The following ERFL variants were observed in gnomAD, a reference collection of about 807,000 sequenced individuals.
ERFL encodes the protein ETS domain-containing transcription factor ERF-like.
A neutral mutation model predicts 27.9 loss-of-function variants in ERFL; 8 were observed. That is an observed-to-expected ratio of 0.29 (90% CI 0.17 to 0.52). ERFL has a LOEUF of 0.52. Ranked by LOEUF, ERFL falls within the 20% of genes least tolerant of loss-of-function variation. The probability of loss-of-function intolerance (pLI) is 0.97; values close to 1 mark genes in which losing one functional copy is unlikely to be tolerated. For synonymous variants in ERFL, 174 were observed against 202.8 expected (o/e 0.86, Z 1.21); for missense variants, 294 against 444.4 (o/e 0.66, Z 3.04).
chr19:41,911,743 G>A (rs1364506659), intron 2 of ERFL, among the ~76,000 whole-genome samples: 1 of 152,222 alleles, frequency 6.6e-6, no homozygotes, highest in Admixed American at 6.5e-5. Context: ...CACACCCACA[G>A]GACCCCAAGG....
rs1002849705 is a variant in ERFL, at chr19:41,918,615, C to T, written c.-13-5683G>A. 4.7e-4 allele frequency among the ~76,000 whole-genome samples: 69 copies of T among 148,380 alleles called. 1 individual carries two copies. Among genetic ancestry groups the T allele is most frequent in the African/African-American group, 1.7e-3 (65 of 39,330 alleles). On this transcript the variant is annotated intron_variant, in intron 1 of 5. Coordinates refer to ENST00000597630, the MANE Select transcript of ERFL (RefSeq NM_001365103.2). ...CACTACCCATCACAGACAAACCACACACACCACATCACTAACCCTCACATA... is the reference window on the plus strand; with the variant it reads ...CACTACCCATCACAGACAAACCACATACACCACATCACTAACCCTCACATA...
At chr19:41,913,549 T>C (rs1238642717) in intron 1 of ERFL, among the ~76,000 whole-genome samples, 13 of 150,176 alleles carry the variant, frequency 8.7e-5, no homozygotes, top group Non-Finnish European at 1.9e-4. Context: ...TCCAGTCCTC[T>C]ACCCCACAGG....
rs1199650661 is a variant in ERFL at position 41,916,464 on chromosome 19, C to G, written c.-13-3532G>C. 6.6e-6 allele frequency among the ~76,000 whole-genome samples: 1 copy of G among 152,098 alleles called. No homozygotes were observed. The highest frequency in any genetic ancestry group is 2.4e-5 in the African/African-American group (1 of 41,394). ...AGTCACAGATGCACAGAAACAGACA[C>G]ACAGTTTTACACAAATACACACATG... On this transcript the variant is annotated intron_variant, in intron 1 of 5. Coordinates refer to ENST00000597630, the MANE Select transcript of ERFL (RefSeq NM_001365103.2). This position sits in a 1 kb window ranked among gnomAD's most constrained non-coding sequence, Gnocchi z 5.4.
At chr19:41,918,854 G>GACACACC (rs2074820297) in intron 1 of ERFL, among the ~76,000 whole-genome samples, 1 of 133,454 alleles carries the variant, frequency 7.5e-6, no homozygotes, top group Admixed American at 7.6e-5. Flanking sequence ...CTACCCATCA[G>GACACACC]ACACACCACA....
At position 41,916,087 on chromosome 19, in the gene ERFL, G is replaced by A. The variant is rs551336600; in HGVS notation, c.-13-3155C>T. 7.2e-5 allele frequency among the ~76,000 whole-genome samples: 11 copies of A among 151,810 alleles called. No individual in the cohort carries two copies. The highest frequency in any genetic ancestry group is 5.8e-4 in the East Asian group (3 of 5,168). On this transcript the variant is annotated intron_variant, in intron 1 of 5. Transcript: ENST00000597630. This position sits in a 1 kb window ranked among gnomAD's most constrained non-coding sequence, Gnocchi z 5.4. ...ATGTGTGTGCGCATGTGAGCGAAGC[G>A]GTGTGCAGAGGCGCTGGGCAGGCGA...
Position 41,926,351 on chromosome 19 carries a change from G to A in ERFL, c.-14+1689C>T, listed in dbSNP as rs116891613. Among the ~76,000 whole-genome samples the A allele has an allele frequency of 7.1e-4, 108 of 152,210 alleles. 1 individual carries two copies. In the East Asian group the frequency reaches 0.017, roughly 24 times the overall value. ...AACAGGTATGGAGGACAGGTGTTGC[G>A]TGCAGGCAGGTATGAGGAGATAGAT... On this transcript the variant is annotated intron_variant, in intron 1 of 5. Coordinates refer to ENST00000597630, the MANE Select transcript of ERFL (RefSeq NM_001365103.2).
rs1555851086 is a variant in ERFL at position 41,909,511 on chromosome 19, G to A, written c.303-40C>T. ...GTGGTGTTGGGGAGGTGCAGGGGGAGCCCTGGGGCGGGATCTGGGGTTTCT... is the reference window on the plus strand; with the variant it reads ...GTGGTGTTGGGGAGGTGCAGGGGGAACCCTGGGGCGGGATCTGGGGTTTCT... On this transcript the variant is annotated intron_variant, in intron 3 of 5. Coordinates refer to ENST00000597630, the MANE Select transcript of ERFL (RefSeq NM_001365103.2). The surrounding 1 kb of genome is among the most constrained non-coding windows in gnomAD (Gnocchi z 5.2). 1 of 1,248,596 alleles carries A rather than the reference G, an allele frequency of 8.0e-7. No homozygotes were observed. Among genetic ancestry groups the A allele is most frequent in the Non-Finnish European group, 1.0e-6 (1 of 994,442 alleles). 77.3% of individuals were successfully genotyped at this position (1,248,596 alleles called of 1,614,324 possible). A position where few individuals can be genotyped will look rare whatever the true frequency, so the allele number is the denominator to read the frequency against.
In ERFL at chr19:41,914,756, C is replaced by T. The variant is rs1477320749; in HGVS notation, c.-13-1824G>A. Among the ~76,000 whole-genome samples the T allele has an allele frequency of 2.0e-3, 56 of 28,386 alleles. 7 individuals carry two copies. Among genetic ancestry groups the T allele is most frequent in the Middle Eastern group, 0.01 (1 of 98 alleles). The allele number at this position is 28,386 out of a possible 152,430, so 18.6% of individuals were successfully genotyped here. On this transcript the variant is annotated intron_variant, in intron 1 of 5. Transcript: ENST00000597630. Reference sequence around the variant, plus strand: ...TCCACCATCTCTGTCTCTCCCTCCCCTTCCACCGTCTCTGTCTCTCCCTCC... The same window carrying T: ...TCCACCATCTCTGTCTCTCCCTCCCTTTCCACCGTCTCTGTCTCTCCCTCC...
chr19:41,908,453 C>G lies in ERFL; in HGVS notation c.840G>C (p.Ser280=), dbSNP rs899082762. 4 of 1,231,216 alleles carry G rather than the reference C, an allele frequency of 3.2e-6. No individual in the cohort carries two copies. The highest frequency in any genetic ancestry group is 3.1e-5 in the African/African-American group (2 of 64,382). 76.3% of individuals were successfully genotyped at this position (1,231,216 alleles called of 1,614,324 possible). A position where few individuals can be genotyped will look rare whatever the true frequency, so the allele number is the denominator to read the frequency against. ...GGPTATPLLA[S]TGEGLGPERP... is the part of the protein sequence containing the mutation. ...GCTCGGGGCCCAGGCCCTCCCCTGT[C>G]GAGGCCAGCAGGGGCGTGGCTGTGG... The change falls in exon 6 of 6, where the codon TCG becomes TCC. Residue 280 remains serine, a synonymous_variant. Coordinates refer to ENST00000597630, the MANE Select transcript of ERFL (RefSeq NM_001365103.2). This position sits in a 1 kb window ranked among gnomAD's most constrained non-coding sequence, Gnocchi z 6.7.
At chr19:41,918,094 C>A (rs1555852104) in intron 1 of ERFL, among the ~76,000 whole-genome samples, 1 of 151,964 alleles carries the variant, frequency 6.6e-6, no homozygotes, top group Admixed American at 6.5e-5. Flanking sequence ...GCATGCCCCC[C>A]CATCCCGGAC....
In ERFL at chr19:41,928,442, G is replaced by A. The variant is rs1055478816; in HGVS notation, c.-416C>T. The A allele has an allele frequency of 6.5e-6, 1 of 154,068 alleles. No homozygotes were observed. The highest frequency in any genetic ancestry group is 2.4e-5 in the African/African-American group (1 of 41,384). The allele number at this position is 154,068 out of a possible 1,614,324, so 9.5% of individuals were successfully genotyped here. On this transcript the variant is annotated 5_prime_UTR_variant, in exon 1 of 6. Transcript: ENST00000597630. ...CAGCCTGGCCGGCTGGGGGCGCGGG[G>A]CGGCCCTGCCTCCTGCGCCTTCTCC...
At chr19:41,918,890 A>G (rs1555852172) in intron 1 of ERFL, among the ~76,000 whole-genome samples, 1 of 149,878 alleles carries the variant, frequency 6.7e-6, no homozygotes. Context: ...CACACCACAT[A>G]CACTACCCAT....
At chr19:41,924,585 C>A (rs1555853058) in intron 1 of ERFL, among the ~76,000 whole-genome samples, 2 of 152,048 alleles carry the variant, frequency 1.3e-5, no homozygotes, top group Non-Finnish European at 2.9e-5. Flanking sequence ...TGTGGTGGAA[C>A]AGGTGGGGCA....
At chr19:41,922,709 C>T (rs1555852644) in intron 1 of ERFL, among the ~76,000 whole-genome samples, 2 of 151,774 alleles carry the variant, frequency 1.3e-5, no homozygotes, top group African/African-American at 4.8e-5. Context: ...CCAGGGATCC[C>T]ACAAGGGCCG....
At chr19:41,913,134 C>T (rs2074764077) in intron 1 of ERFL, among the ~76,000 whole-genome samples, 1 of 151,882 alleles carries the variant, frequency 6.6e-6, no homozygotes, top group South Asian at 2.1e-4. Context: ...AGACCCCGTT[C>T]CTTCCCTCCC....
At position 41,910,328 on chromosome 19, in the gene ERFL, C is replaced by T. The variant is rs912317101; in HGVS notation, c.68-231G>A. 2.0e-5 allele frequency among the ~76,000 whole-genome samples: 3 copies of T among 152,112 alleles called. No individual in the cohort carries two copies. The highest frequency in any genetic ancestry group is 4.4e-5 in the Non-Finnish European group (3 of 67,996). Reference sequence around the variant, plus strand: ...GACCCTGGGTTGGTACCAGTCTGATCCCCTACCTTGGCATAGCTCCCCCAG... The same window carrying T: ...GACCCTGGGTTGGTACCAGTCTGATTCCCTACCTTGGCATAGCTCCCCCAG... On this transcript the variant is annotated intron_variant, in intron 2 of 5. Coordinates refer to ENST00000597630, the MANE Select transcript of ERFL (RefSeq NM_001365103.2). This position sits in a 1 kb window ranked among gnomAD's most constrained non-coding sequence, Gnocchi z 4.4.
intron 1 of ERFL, among the ~76,000 whole-genome samples, chr19:41,919,071 C>T (rs1315742346): frequency 6.6e-6 from 1 of 151,636 alleles, no homozygotes; most frequent in African/African-American, 2.4e-5. Flanking sequence ...TACACACACC[C>T]ACACACATTA....
chr19:41,921,806 G>A lies in ERFL; in HGVS notation c.-14+6234C>T, dbSNP rs369902180. ...GATTCCTCGTCCTCCGCCCCACCTC[G>A]CCCTTCTTCAGTCCTAGGAGGTTGG... On this transcript the variant is annotated intron_variant, in intron 1 of 5. Coordinates refer to ENST00000597630, the MANE Select transcript of ERFL (RefSeq NM_001365103.2). The surrounding 1 kb of genome is among the most constrained non-coding windows in gnomAD (Gnocchi z 4.4). Among the ~76,000 whole-genome samples the A allele has an allele frequency of 8.6e-5, 13 of 151,838 alleles. No individual in the cohort carries two copies. Among genetic ancestry groups the A allele is most frequent in the South Asian group, 6.2e-4 (3 of 4,820 alleles).
chr19:41,908,697 T>A lies in ERFL; in HGVS notation c.617-21A>T. The A allele has an allele frequency of 1.6e-6, 2 of 1,217,022 alleles. No individual in the cohort carries two copies. Among genetic ancestry groups the A allele is most frequent in the Non-Finnish European group, 2.1e-6 (2 of 974,880 alleles). 75.4% of individuals were successfully genotyped at this position (1,217,022 alleles called of 1,614,324 possible). Reference sequence around the variant, plus strand: ...GGCACCTGGGGGGCACAGGGGTAGGTCAGGCTGGGGCACCTGCCTGCCTGG... The same window carrying A: ...GGCACCTGGGGGGCACAGGGGTAGGACAGGCTGGGGCACCTGCCTGCCTGG... On this transcript the variant is annotated intron_variant, in intron 5 of 5. Coordinates refer to ENST00000597630, the MANE Select transcript of ERFL (RefSeq NM_001365103.2). This position sits in a 1 kb window ranked among gnomAD's most constrained non-coding sequence, Gnocchi z 6.7.
Sources: gnomAD v4.1 joint callset for allele counts (sites outside exome capture counted in the v4.1 genomes callset) on GRCh38, gnomAD v4.1.1 for gene constraint, Gnocchi (gnomAD v3.1) non-coding constraint, MANE v1.5 for transcripts, NCBI Gene and HGNC (gene_info 2026-07-23, HGNC 2026-07-21) for gene names.